The following ABCB11 variants were observed in gnomAD, a reference collection of about 807,000 sequenced individuals.
ABCB11 encodes the protein bile salt export pump.
A neutral mutation model predicts 148.0 loss-of-function variants in ABCB11; 95 were observed. The observed-to-expected ratio is 0.64, with a 90% CI of 0.54 to 0.76. The LOEUF is 0.76. Ranked by LOEUF, ABCB11 falls within the 30% of genes least tolerant of loss-of-function variation. The pLI is 0.00. For missense variants in ABCB11, 1,523 were observed against 1,617.8 expected, an observed-to-expected ratio of 0.94 and a Z score of 1.01; for synonymous variants, 591 against 555.4, an observed-to-expected ratio of 1.06 and a Z score of -0.90.
At chr2:168,949,011 A>G (rs577167670) in intron 19 of ABCB11, among the ~76,000 whole-genome samples, 1 of 151,772 alleles carries the variant, frequency 6.6e-6, no homozygotes, top group African/African-American at 2.4e-5. Flanking sequence ...ATAAGCTCTG[A>G]CAATGTGATA....
intron 7 of ABCB11, among the ~76,000 whole-genome samples, chr2:168,994,467 C>A (rs189322395): frequency 6.6e-6 from 1 of 152,028 alleles, no homozygotes; most frequent in African/African-American, 2.4e-5. Context: ...GTTACTTAAC[C>A]TTTTTGTGGC....
chr2:168,950,593 T>C (rs916920693), intron 19 of ABCB11, among the ~76,000 whole-genome samples: 1 of 151,766 alleles, frequency 6.6e-6, no homozygotes, highest in African/African-American at 2.4e-5. Flanking sequence ...TTTTGAAAAA[T>C]ATCTGCTCAT....
intron 9 of ABCB11, among the ~76,000 whole-genome samples, chr2:168,986,596 T>A (rs1203771333): frequency 6.6e-6 from 1 of 152,072 alleles, no homozygotes; most frequent in Non-Finnish European, 1.5e-5. Flanking sequence ...AGAGATCTAG[T>A]ATTATGTTTG....
chr2:168,969,465 G>A lies in ABCB11; in HGVS notation c.1896C>T (p.Gly632=), dbSNP rs1188064157. The part of the protein sequence containing the change: ...AADTIIGFEH[G]TAVERGTHEE... ...CATGGGTCCCTCTTTCCACTGCAGTGCCATGTTCAAAACCAATGATGGTAT... is the reference window on the plus strand; with the variant it reads ...CATGGGTCCCTCTTTCCACTGCAGTACCATGTTCAAAACCAATGATGGTAT... Residue 632 remains glycine, a synonymous_variant, in exon 16 of 28, where the codon GGC becomes GGT. Coordinates refer to ENST00000650372, the MANE Select transcript of ABCB11 (RefSeq NM_003742.4). The A allele has an allele frequency of 6.2e-7, 1 of 1,612,468 alleles. No individual in the cohort carries two copies. The highest frequency in any genetic ancestry group is 8.5e-7 in the Non-Finnish European group (1 of 1,179,144).
At chr2:168,986,035 C>A (rs1694306805) in intron 10 of ABCB11, 75 bp downstream of exon 10, 4 of 1,234,970 alleles carry the variant, frequency 3.2e-6, no homozygotes, top group African/African-American at 3.1e-5. Flanking sequence ...AAGTAATAAA[C>A]AAAATATCTA....
Position 169,018,079 on chromosome 2 carries a change from T to G in ABCB11, c.47A>C (p.Glu16Ala). Residue 16 changes from glutamate (E) to alanine (A), a missense_variant, in exon 2 of 28, where the codon GAG becomes GCG. Physicochemically the swap from Glu to Ala is moderately radical, Grantham distance 107. Transcript: ENST00000650372. The stretch of plus-strand genomic sequence containing the variant: ...TTTATCTGACTCAAAACCATCATTC[T>G]CCTCTCCAAATTTCTTTATACTTCG... ...ILRSIKKFGE[E>A]NDGFESDKSY... The G allele has an allele frequency of 6.2e-7, 1 of 1,613,640 alleles. No homozygotes were observed. Among genetic ancestry groups the G allele is most frequent in the Non-Finnish European group, 8.5e-7 (1 of 1,179,688 alleles).
In ABCB11 at chr2:168,923,785, C is replaced by T. The variant is rs72549394; in HGVS notation, c.3803G>A (p.Arg1268Gln). The T allele has an allele frequency of 6.2e-7, 1 of 1,613,892 alleles. No individual in the cohort carries two copies. The highest frequency in any genetic ancestry group is 8.5e-7 in the Non-Finnish European group (1 of 1,179,882). ...QVALDKAREGRTCIVIAHRLS... is the reference protein window; with the variant it reads ...QVALDKAREGQTCIVIAHRLS... ...GCGATGGGCAATGACAATGCAGGTC[C>T]GACCCTCTCTGGCTTTGTCTAGAGC... The change falls in exon 28 of 28, where the codon CGG (arginine) becomes CAG (glutamine). Residue 1268 changes from arginine (R) to glutamine (Q), a missense_variant. Transcript: ENST00000650372.
intron 1 of ABCB11, among the ~76,000 whole-genome samples, chr2:169,021,610 T>A (rs1175054285): frequency 6.6e-6 from 1 of 151,990 alleles, no homozygotes; most frequent in Non-Finnish European, 1.5e-5. Flanking sequence ...AAATAAAAAA[T>A]AAGTAATTTT....
chr2:168,934,805 G>A (rs1206282068), intron 23 of ABCB11, among the ~76,000 whole-genome samples: 3 of 152,048 alleles, frequency 2.0e-5, no homozygotes, highest in African/African-American at 7.3e-5. Context: ...TTAAACCTGG[G>A]CTTGATGGTA....
intron 23 of ABCB11, 39 bp from the exon 24 acceptor site, chr2:168,932,572 C>A (rs755733789): frequency 6.2e-7 from 1 of 1,602,974 alleles, no homozygotes; most frequent in Non-Finnish European, 8.5e-7. Context: ...AGCAGGGTGG[C>A]GTGGTTGGTG....
intron 5 of ABCB11, among the ~76,000 whole-genome samples, chr2:169,005,875 G>A (rs182727276): frequency 2.6e-5 from 4 of 152,202 alleles, no homozygotes; most frequent in Admixed American, 2.6e-4. Flanking sequence ...GAAAATCTGA[G>A]TGGACCTATA....
chr2:168,936,236 C>T lies in ABCB11; in HGVS notation c.2808G>A (p.Val936=). The change falls in exon 22 of 28, where the codon GTG becomes GTA. Residue 936 remains valine, a synonymous_variant. Transcript: ENST00000650372. ...ASRDKQALEM[V]GQITNEALSN... is the part of the protein sequence containing the mutation. ...ATTAGATCTGCAAGATTACCTGTCC[C>T]ACCATCTCCAGGGCCTGCTTATCTC... The T allele has an allele frequency of 6.2e-7, 1 of 1,613,248 alleles. No individual in the cohort carries two copies. Among genetic ancestry groups the T allele is most frequent in the Non-Finnish European group, 8.5e-7 (1 of 1,179,356 alleles).
At chr2:168,979,842 C>T (rs1037564583) in intron 11 of ABCB11, 24 bp downstream of exon 11, 8 of 1,437,330 alleles carry the variant, frequency 5.6e-6, no homozygotes, top group Non-Finnish European at 7.7e-6. Context: ...CTGTTAATGG[C>T]CTTTACTTTT....
intron 21 of ABCB11, among the ~76,000 whole-genome samples, chr2:168,937,222 T>G (rs1007030740): frequency 2.6e-5 from 4 of 152,226 alleles, no homozygotes; most frequent in African/African-American, 7.2e-5. Flanking sequence ...CCATTGTATG[T>G]GTATATCACA....
chr2:169,003,170 A>C (rs1231645516), intron 5 of ABCB11, among the ~76,000 whole-genome samples: 5 of 151,826 alleles, frequency 3.3e-5, no homozygotes, highest in African/African-American at 1.2e-4. Flanking sequence ...TTGTGTCCTC[A>C]TAGCTTAGCT....
downstream of ABCB11, among the ~76,000 whole-genome samples, chr2:168,920,147 T>A (rs2105868568): frequency 6.6e-6 from 1 of 152,318 alleles, no homozygotes; most frequent in East Asian, 1.9e-4. Context: ...ATTACAGGCA[T>A]GAGCCACTGT....
downstream of ABCB11, among the ~76,000 whole-genome samples, chr2:168,919,556 C>A (rs1179373973): frequency 6.6e-6 from 1 of 152,072 alleles, no homozygotes; most frequent in African/African-American, 2.4e-5. Context: ...ATTCCCAGCA[C>A]CTCATTCTTG....
At position 168,920,804 on chromosome 2, in the gene ABCB11, A is replaced by G. The variant is rs919874096; in HGVS notation, c.*2818T>C. 2.6e-5 allele frequency among the ~76,000 whole-genome samples: 4 copies of G among 152,184 alleles called. No individual in the cohort carries two copies. The East Asian group carries it at 7.7e-4, about 29-fold the overall frequency. On this transcript the variant is annotated 3_prime_UTR_variant, in exon 28 of 28. Transcript: ENST00000650372. Reference sequence around the variant, plus strand: ...TGTTGTAAAATAAACATGCAATGTTATTTATTTATTCATTTTTGAAGTTGT... The same window carrying G: ...TGTTGTAAAATAAACATGCAATGTTGTTTATTTATTCATTTTTGAAGTTGT...
chr2:168,973,676 C>T (rs2105967698), intron 13 of ABCB11, 39 bp downstream of exon 13: 7 of 1,605,910 alleles, frequency 4.4e-6, no homozygotes, highest in Non-Finnish European at 6.0e-6. Context: ...TTGCACTTTA[C>T]TGTCCCCATG....
Sources: allele counts gnomAD v4.1 joint callset (sites outside exome capture counted in the v4.1 genomes callset), GRCh38; gene constraint gnomAD v4.1.1; transcripts MANE v1.5; gene names NCBI Gene and HGNC (gene_info 2026-07-23, HGNC 2026-07-21).